Variants in LDLRAP1 observed in about 807,000 individuals in gnomAD.
LDLRAP1 encodes low density lipoprotein receptor adaptor protein 1, also known as low density lipoprotein receptor adapter protein 1.
LDLRAP1 carries 30 observed loss-of-function variants against 37.8 expected under a neutral mutation model. That is an observed-to-expected ratio of 0.79 (90% CI 0.59 to 1.08). The LOEUF is 1.08. LDLRAP1 is among the 50% of genes least tolerant of loss of function. LDLRAP1 has a pLI of 0.00. For synonymous variants in LDLRAP1, 156 were observed against 169.8 expected, an observed-to-expected ratio of 0.92 and a Z score of 0.63; for missense variants, 375 against 401.6, an observed-to-expected ratio of 0.93 and a Z score of 0.57.
the LDLRAP1 span, among the ~76,000 whole-genome samples, chr1:25,574,702 C>A: frequency 1.3e-5 from 2 of 152,144 alleles, no homozygotes; most frequent in Non-Finnish European, 2.9e-5. Context: ...GTGTTCTGGG[C>A]ATGCTATATC....
chr1:25,574,717 C>A, the LDLRAP1 span, among the ~76,000 whole-genome samples: 1 of 152,144 alleles, frequency 6.6e-6, no homozygotes, highest in Non-Finnish European at 1.5e-5. Context: ...TATATCATTT[C>A]TCTGGGTGTG....
downstream of LDLRAP1, among the ~76,000 whole-genome samples, chr1:25,572,844 C>T (rs1039430957): frequency 2.6e-5 from 4 of 152,176 alleles, no homozygotes; most frequent in African/African-American, 7.2e-5. Context: ...GCTCATCATC[C>T]GTCTCTCCAC....
intron 1 of LDLRAP1, among the ~76,000 whole-genome samples, chr1:25,545,550 G>A (rs958540191): frequency 3.3e-5 from 5 of 152,126 alleles, no homozygotes; most frequent in African/African-American, 1.2e-4. Flanking sequence ...TTGGGACGCT[G>A]CCAGCATGAT....
At chr1:25,576,195 G>A in the LDLRAP1 span, among the ~76,000 whole-genome samples, 1 of 151,816 alleles carries the variant, frequency 6.6e-6, no homozygotes, top group Non-Finnish European at 1.5e-5. Flanking sequence ...TCGTGCCACT[G>A]CACTCCAGCC....
chr1:25,571,634 C>T (rs965795773), downstream of LDLRAP1, among the ~76,000 whole-genome samples: 1 of 152,264 alleles, frequency 6.6e-6, no homozygotes, highest in Non-Finnish European at 1.5e-5. Flanking sequence ...TATTAGGAGG[C>T]AGGCCTGGGA....
the LDLRAP1 span, among the ~76,000 whole-genome samples, chr1:25,583,385 G>A: frequency 6.6e-6 from 1 of 151,770 alleles, no homozygotes; most frequent in East Asian, 1.9e-4. Flanking sequence ...TAGAGATGGG[G>A]TTTCGCCATG....
intron 1 of LDLRAP1, among the ~76,000 whole-genome samples, chr1:25,547,486 T>TAATAAATAAATAAATAAATA (rs71014373): frequency 6.9e-6 from 1 of 145,752 alleles, no homozygotes; most frequent in Non-Finnish European, 1.5e-5. Flanking sequence ...TTGTCTCAAA[T>TAATAAATAAATAAATAAATA]AATAAATAAA....
chr1:25,554,971 A>C lies in LDLRAP1; in HGVS notation c.343A>C (p.Arg115=), dbSNP rs1218451691. The C allele has an allele frequency of 1.9e-6, 3 of 1,610,916 alleles. No homozygotes were observed. Among genetic ancestry groups the C allele is most frequent in the Non-Finnish European group, 8.5e-7 (1 of 1,177,062 alleles). Residue 115 remains arginine (R), a splice_region_variant and synonymous_variant, in exon 3 of 9, where the codon AGG becomes CGG. Coordinates refer to ENST00000374338, the MANE Select transcript of LDLRAP1 (RefSeq NM_015627.3). This position sits in a 1 kb window ranked among gnomAD's most constrained non-coding sequence, Gnocchi z 5.4. ...NQLIENVSIY[R]ISYCTADKMH... is the part of the protein sequence containing the mutation. ...GCTCATTGAGAACGTGTCCATATAC[A>C]GGTACGCTCAGCATGGGGTTGGCCC...
intron 4 of LDLRAP1, 25 bp from the exon 5 acceptor site, chr1:25,562,613 ACCCCTC>A (rs780273084): frequency 1.1e-5 from 18 of 1,599,644 alleles, no homozygotes; most frequent in Non-Finnish European, 1.5e-5. Flanking sequence ...CTGACACTGC[ACCCCTC>A]CCCATCCCCA....
At chr1:25,578,099 A>G in the LDLRAP1 span, among the ~76,000 whole-genome samples, 1 of 152,114 alleles carries the variant, frequency 6.6e-6, no homozygotes, top group African/African-American at 2.4e-5. Context: ...TTGTTCAGAG[A>G]TCTCACCCCA....
At chr1:25,573,317 T>C (rs2044630426), downstream of LDLRAP1, among the ~76,000 whole-genome samples, 1 of 152,216 alleles carries the variant, frequency 6.6e-6, no homozygotes, top group Admixed American at 6.5e-5. Flanking sequence ...AGTCTAGCTG[T>C]TTCCAGTAGG....
rs933181583 is a variant in LDLRAP1 at position 25,544,318 on chromosome 1, C to T, written c.88+532C>T. Among the ~76,000 whole-genome samples the T allele has an allele frequency of 2.6e-5, 4 of 152,192 alleles. No homozygotes were observed. Among genetic ancestry groups the T allele is most frequent in the Non-Finnish European group, 5.9e-5 (4 of 68,032 alleles). The stretch of plus-strand genomic sequence containing the variant: ...TGACTCCGGGTGCCCAGACACCCAT[C>T]CAGGTGTGAGCCCGGGGTCGCAGGT... On this transcript the variant is annotated intron_variant, in intron 1 of 8. Transcript: ENST00000374338. This position sits in a 1 kb window ranked among gnomAD's most constrained non-coding sequence, Gnocchi z 4.8.
At chr1:25,569,863 C>T (rs555362422), downstream of LDLRAP1, among the ~76,000 whole-genome samples, 8 of 152,288 alleles carry the variant, frequency 5.3e-5, no homozygotes, top group East Asian at 3.9e-4. Flanking sequence ...ACAGCTGAGC[C>T]GCCAACCTGT....
chr1:25,558,087 G>C (rs963235781), intron 4 of LDLRAP1, among the ~76,000 whole-genome samples: 1 of 152,104 alleles, frequency 6.6e-6, no homozygotes, highest in Non-Finnish European at 1.5e-5. Context: ...GGTCACGGGG[G>C]ATTTGTCCTG....
chr1:25,547,280 C>T (rs571356740), intron 1 of LDLRAP1, among the ~76,000 whole-genome samples: 22 of 151,952 alleles, frequency 1.4e-4, no homozygotes, highest in African/African-American at 3.1e-4. Context: ...GTCAAGAGTT[C>T]GAGACCAGCC....
the LDLRAP1 span, among the ~76,000 whole-genome samples, chr1:25,577,421 C>G: frequency 6.6e-6 from 1 of 152,082 alleles, no homozygotes; most frequent in African/African-American, 2.4e-5. Context: ...GCCCTGTGGG[C>G]AGGTCCTGGG....
At chr1:25,566,534 A>AC (rs1171339983) in intron 8 of LDLRAP1, among the ~76,000 whole-genome samples, 1 of 119,224 alleles carries the variant, frequency 8.4e-6, no homozygotes, top group Non-Finnish European at 1.8e-5. Flanking sequence ...TCCCCACCCC[A>AC]CCCCCACCCC....
chr1:25,579,949 C>T, the LDLRAP1 span, among the ~76,000 whole-genome samples: 1 of 152,172 alleles, frequency 6.6e-6, no homozygotes. Flanking sequence ...TTTCCAAACC[C>T]GCCAGGTTTC....
chr1:25,545,326 G>A (rs972401658), intron 1 of LDLRAP1, among the ~76,000 whole-genome samples: 1 of 152,134 alleles, frequency 6.6e-6, no homozygotes, highest in African/African-American at 2.4e-5. Context: ...CTGGGGACGT[G>A]GAAGAGGTAG....
Sources: gnomAD v4.1 joint callset for allele counts (sites outside exome capture counted in the v4.1 genomes callset) on GRCh38, gnomAD v4.1.1 for gene constraint, Gnocchi (gnomAD v3.1) non-coding constraint, MANE v1.5 for transcripts, NCBI Gene and HGNC (gene_info 2026-07-23, HGNC 2026-07-21) for gene names.